The following NYAP2 variants were observed in gnomAD, a reference collection of about 807,000 sequenced individuals.
The protein encoded by NYAP2 is neuronal tyrosine-phosphorylated phosphoinositide-3-kinase adapter 2.
A neutral mutation model predicts 50.4 loss-of-function variants in NYAP2; 23 were observed. The observed-to-expected ratio is 0.46, with a 90% confidence interval of 0.33 to 0.65. The LOEUF (loss-of-function observed/expected upper bound fraction) is 0.65, where lower values mean the gene tolerates loss of function less well. NYAP2 is among the 30% of genes least tolerant of loss of function. NYAP2 has a pLI of 0.02. For synonymous variants in NYAP2, 394 were observed against 365.2 expected, an observed-to-expected ratio of 1.08 and a Z score of -0.90; for missense variants, 885 against 861.0, an observed-to-expected ratio of 1.03 and a Z score of -0.35.
chr2:225,659,193 C>T, the NYAP2 span, among the ~76,000 whole-genome samples: 2 of 152,174 alleles, frequency 1.3e-5, no homozygotes, highest in African/African-American at 2.4e-5. Flanking sequence ...TCGCTGGTAC[C>T]TGTGTGTGTC....
At chr2:225,598,667 A>C (rs1024670928) in intron 5 of NYAP2, among the ~76,000 whole-genome samples, 5 of 152,254 alleles carry the variant, frequency 3.3e-5, no homozygotes, top group African/African-American at 1.2e-4. Flanking sequence ...AATACAGATA[A>C]GCTAGCATAG....
intron 4 of NYAP2, among the ~76,000 whole-genome samples, chr2:225,576,107 T>A (rs1464850004): frequency 6.6e-6 from 1 of 152,216 alleles, no homozygotes; most frequent in Non-Finnish European, 1.5e-5. Flanking sequence ...TCAAAGTAAT[T>A]TTCCAATGTT....
At chr2:225,470,785 C>G (rs111474300) in intron 3 of NYAP2, among the ~76,000 whole-genome samples, 3 of 150,910 alleles carry the variant, frequency 2.0e-5, no homozygotes, top group African/African-American at 7.4e-5. Flanking sequence ...ATATACAGAT[C>G]TTACATGAAA....
At chr2:225,460,121 ATTAG>A (rs1056438855) in intron 3 of NYAP2, among the ~76,000 whole-genome samples, 5 of 152,186 alleles carry the variant, frequency 3.3e-5, no homozygotes, top group African/African-American at 1.2e-4. Context: ...TAATCAATCA[ATTAG>A]TTAACCAATC....
intron 4 of NYAP2, among the ~76,000 whole-genome samples, chr2:225,518,856 A>T (rs1559202683): frequency 6.6e-6 from 1 of 151,638 alleles, no homozygotes; most frequent in Non-Finnish European, 1.5e-5. Flanking sequence ...CCATCGGTCT[A>T]AAAATATAAA....
intron 4 of NYAP2, among the ~76,000 whole-genome samples, chr2:225,532,243 T>A (rs1209111823): frequency 6.6e-6 from 1 of 152,208 alleles, no homozygotes; most frequent in Non-Finnish European, 1.5e-5. Context: ...CACCCTACCT[T>A]ACAGTGTGTA....
intron 3 of NYAP2, among the ~76,000 whole-genome samples, chr2:225,468,098 A>G (rs1241087649): frequency 6.6e-6 from 1 of 152,224 alleles, no homozygotes; most frequent in African/African-American, 2.4e-5. Context: ...ATTGTGTCCT[A>G]CATTAGGATG....
chr2:225,468,780 A>G lies in NYAP2; in HGVS notation c.222-44591A>G, dbSNP rs1559188134. Among the ~76,000 whole-genome samples, 3 of 152,374 alleles carry G rather than the reference A, an allele frequency of 2.0e-5. No individual in the cohort carries two copies. The South Asian group carries it at 6.2e-4, about 32-fold the overall frequency. On this transcript the variant is annotated intron_variant, in intron 3 of 6. Coordinates refer to ENST00000636099, the Ensembl canonical transcript of NYAP2. ...AGAGGAGGAATAAGTCACTGAGGAC[A>G]TGAAGAGGACAAAAAAGACAAAAAG...
In NYAP2 at chr2:225,582,075, A is replaced by G. The variant is rs765547642; in HGVS notation, c.658A>G (p.Thr220Ala). 5.6e-6 allele frequency: 9 copies of G among 1,613,906 alleles called. No homozygotes were observed. Among genetic ancestry groups the G allele is most frequent in the Non-Finnish European group, 7.6e-6 (9 of 1,179,910 alleles). ...CATCAAAAAGCATGGGCCCCGGAGG[A>G]CGTCGCTGCCGCGGGACTCCTCCTT... Residue 220 changes from threonine to alanine, a missense_variant, in exon 5 of 7, where the codon ACG (threonine) becomes GCG (alanine). Physicochemically the swap from Thr to Ala is moderately conservative, Grantham distance 58. Transcript: ENST00000636099. The surrounding 1 kb of genome is among the most constrained non-coding windows in gnomAD (Gnocchi z 7.0).
At chr2:225,554,955 G>A (rs1390824788) in intron 4 of NYAP2, among the ~76,000 whole-genome samples, 1 of 152,042 alleles carries the variant, frequency 6.6e-6, no homozygotes, top group Non-Finnish European at 1.5e-5. Flanking sequence ...CTAATGAAAA[G>A]ATTATTGGAA....
At chr2:225,487,139 A>G (rs1166709448) in intron 3 of NYAP2, among the ~76,000 whole-genome samples, 1 of 152,216 alleles carries the variant, frequency 6.6e-6, no homozygotes, top group Non-Finnish European at 1.5e-5. Flanking sequence ...GGGAAGGAGA[A>G]TATTGGCATA....
chr2:225,559,353 A>G (rs886984453), intron 4 of NYAP2, among the ~76,000 whole-genome samples: 53 of 151,988 alleles, frequency 3.5e-4, no homozygotes, highest in African/African-American at 1.2e-3. Context: ...AAATGCCAAA[A>G]AAAAAAAAAA....
intron 3 of NYAP2, among the ~76,000 whole-genome samples, chr2:225,457,184 C>A (rs1381318514): frequency 6.6e-6 from 1 of 152,164 alleles, no homozygotes; most frequent in Non-Finnish European, 1.5e-5. Context: ...CTGTGCTTTT[C>A]CTATAATATC....
At chr2:225,610,299 C>T (rs1692857362) in intron 5 of NYAP2, among the ~76,000 whole-genome samples, 1 of 152,076 alleles carries the variant, frequency 6.6e-6, no homozygotes, top group Non-Finnish European at 1.5e-5. Context: ...CAGATGGCCA[C>T]CTTCTTGTTG....
At chr2:225,577,635 A>G (rs1014813005) in intron 4 of NYAP2, among the ~76,000 whole-genome samples, 5 of 152,156 alleles carry the variant, frequency 3.3e-5, no homozygotes, top group Admixed American at 6.5e-5. Flanking sequence ...ACTTGCACTA[A>G]GGTAAGACCA....
chr2:225,621,537 G>C (rs994511091), intron 5 of NYAP2, among the ~76,000 whole-genome samples: 1 of 152,020 alleles, frequency 6.6e-6, no homozygotes, highest in African/African-American at 2.4e-5. Context: ...GACAAAAAGA[G>C]CCCTGCAGAT....
chr2:225,505,946 C>T (rs1690696564), intron 3 of NYAP2, among the ~76,000 whole-genome samples: 1 of 151,940 alleles, frequency 6.6e-6, no homozygotes, highest in Non-Finnish European at 1.5e-5. Context: ...GCCCTGGTTT[C>T]ACTCTGATTG....
At chr2:225,551,438 A>G (rs1691673138) in intron 4 of NYAP2, among the ~76,000 whole-genome samples, 1 of 152,242 alleles carries the variant, frequency 6.6e-6, no homozygotes, top group Non-Finnish European at 1.5e-5. Flanking sequence ...TCAAACTTCC[A>G]GTTGAATGTA....
chr2:225,540,418 C>A (rs1691439212), intron 4 of NYAP2, among the ~76,000 whole-genome samples: 1 of 152,204 alleles, frequency 6.6e-6, no homozygotes, highest in Non-Finnish European at 1.5e-5. Context: ...AGGTGAAAGG[C>A]ACGTCTCACA....
Sources: gnomAD v4.1 joint callset for allele counts (sites outside exome capture counted in the v4.1 genomes callset) on GRCh38, gnomAD v4.1.1 for gene constraint, Gnocchi (gnomAD v3.1) non-coding constraint, MANE v1.5 for transcripts, NCBI Gene and HGNC (gene_info 2026-07-23, HGNC 2026-07-21) for gene names.